The following TLN2 variants were observed in gnomAD, a reference collection of about 807,000 sequenced individuals.
The protein encoded by TLN2 is talin-2.
Under a neutral mutation model 294.7 loss-of-function variants are expected in TLN2, and 118 were observed. The observed-to-expected ratio is 0.40, with a 90% CI of 0.34 to 0.47. The LOEUF (loss-of-function observed/expected upper bound fraction) is 0.47, where lower values mean the gene tolerates loss of function less well. TLN2 is among the 20% of genes least tolerant of loss of function. TLN2 has a pLI of 0.84. For missense variants in TLN2, 3,083 were observed against 3,282.2 expected, an observed-to-expected ratio of 0.94 and a Z score of 1.48; for synonymous variants, 1,431 against 1,304.5, an observed-to-expected ratio of 1.10 and a Z score of -2.09.
intron 12 of TLN2, 114 bp downstream of exon 12, chr15:62,686,910 C>T (rs960483146): frequency 7.2e-7 from 1 of 1,389,142 alleles, no homozygotes; most frequent in East Asian, 2.4e-5. Flanking sequence ...GGAGAGCCAG[C>T]GTGGAGTGAG....
chr15:62,623,978 C>T (rs537042252), intron 3 of TLN2, among the ~76,000 whole-genome samples: 1 of 152,268 alleles, frequency 6.6e-6, no homozygotes, highest in South Asian at 2.1e-4. Context: ...TGCTGTCAAT[C>T]ACATGATGGC....
chr15:62,462,716 G>T (rs1339081046), intron 1 of TLN2, among the ~76,000 whole-genome samples: 1 of 152,182 alleles, frequency 6.6e-6, no homozygotes, highest in Non-Finnish European at 1.5e-5. Context: ...TGCCAGCTGG[G>T]CTCTGGGCTT....
intron 1 of TLN2, among the ~76,000 whole-genome samples, chr15:62,391,812 CG>C (rs1486618433): frequency 3.3e-5 from 5 of 152,262 alleles, no homozygotes; most frequent in Non-Finnish European, 5.9e-5. Flanking sequence ...CGCCTGGACC[CG>C]GCCTTGGGGC....
intron 1 of TLN2, among the ~76,000 whole-genome samples, chr15:62,397,110 G>A (rs1272955744): frequency 1.3e-5 from 2 of 152,124 alleles, no homozygotes; most frequent in South Asian, 2.1e-4. Flanking sequence ...CTTTCCATAC[G>A]ATCTCTGGCT....
At chr15:62,496,436 C>A (rs1443128322) in intron 1 of TLN2, among the ~76,000 whole-genome samples, 1 of 152,206 alleles carries the variant, frequency 6.6e-6, no homozygotes, top group Admixed American at 6.5e-5. Flanking sequence ...AAGAGCTCCA[C>A]CCGTGACTAG....
chr15:62,829,600 A>G (rs1348508708), intron 54 of TLN2: 1 of 152,230 alleles, frequency 6.6e-6, no homozygotes, highest in Non-Finnish European at 1.5e-5. Flanking sequence ...TAAGCACATC[A>G]TGGAGAATGG....
rs2140907042 is a variant in TLN2 at position 62,717,619 on chromosome 15, C to T, written c.2807C>T (p.Ala936Val). The change falls in exon 24 of 59, where the codon GCC (alanine) becomes GTC (valine). Residue 936 changes from alanine (A) to valine (V), a missense_variant. Transcript: ENST00000636159. The part of the protein sequence containing the change: ...QAAAAATQTI[A>V]ASQNAAVSNK... ...GCAGCGGCAGCCACACAGACCATCG[C>T]CGCCTCCCAGAATGCAGCTGTTTCC... 1 of 1,603,976 alleles carries T rather than the reference C, an allele frequency of 6.2e-7. No homozygotes were observed. The highest frequency in any genetic ancestry group is 1.7e-4 in the Middle Eastern group (1 of 6,040).
intron 1 of TLN2, among the ~76,000 whole-genome samples, chr15:62,477,477 T>C (rs1358266065): frequency 6.6e-6 from 1 of 152,216 alleles, no homozygotes; most frequent in African/African-American, 2.4e-5. Flanking sequence ...GTGAGCCTGA[T>C]TGAACAGTAG....
At chr15:62,757,104 C>T (rs891829391) in intron 37 of TLN2, among the ~76,000 whole-genome samples, 12 of 152,220 alleles carry the variant, frequency 7.9e-5, no homozygotes, top group African/African-American at 2.7e-4. Context: ...TACTCATTCA[C>T]TCCATACAAC....
intron 2 of TLN2, among the ~76,000 whole-genome samples, chr15:62,610,782 A>T (rs1019175295): frequency 6.6e-6 from 1 of 152,208 alleles, no homozygotes; most frequent in Non-Finnish European, 1.5e-5. Flanking sequence ...TTTTGGGGTC[A>T]CAAGTAAATT....
At position 62,686,625 on chromosome 15, in the gene TLN2, G is replaced by A; in HGVS notation, c.958-16G>A. ...TTCAGAAGAAGAGCACTGACTCTTG[G>A]TATCTCCTGTTTCAGGAGAAGATGA... On this transcript the variant is annotated splice_polypyrimidine_tract_variant and intron_variant, in intron 11 of 58. Coordinates refer to ENST00000636159, the MANE Select transcript of TLN2 (RefSeq NM_015059.3). The A allele has an allele frequency of 2.5e-6, 4 of 1,605,738 alleles. No homozygotes were observed. The East Asian group carries it at 8.9e-5, about 36-fold the overall frequency.
At chr15:62,428,071 A>C (rs1036383564) in intron 1 of TLN2, among the ~76,000 whole-genome samples, 9 of 151,968 alleles carry the variant, frequency 5.9e-5, no homozygotes, top group Non-Finnish European at 1.2e-4. Context: ...TCATTGTGCC[A>C]CCACCCCCCC....
At chr15:62,475,063 A>T (rs925154725) in intron 1 of TLN2, among the ~76,000 whole-genome samples, 2 of 152,204 alleles carry the variant, frequency 1.3e-5, no homozygotes, top group Admixed American at 6.5e-5. Flanking sequence ...ATACCCATTT[A>T]GTGAGGGTGG....
intron 1 of TLN2, among the ~76,000 whole-genome samples, chr15:62,508,098 A>G (rs1023045232): frequency 6.6e-6 from 1 of 152,092 alleles, no homozygotes; most frequent in Non-Finnish European, 1.5e-5. Flanking sequence ...CTTAATTGAT[A>G]TATTTGGTAG....
At chr15:62,661,791 C>A (rs926568206) in intron 9 of TLN2, among the ~76,000 whole-genome samples, 7 of 151,990 alleles carry the variant, frequency 4.6e-5, no homozygotes, top group South Asian at 2.1e-4. Flanking sequence ...CTACTTAAAT[C>A]AAAAATGTAG....
At chr15:62,740,499 G>A (rs539048205) in intron 31 of TLN2, 131 bp from the exon 32 acceptor site, 19 of 1,178,044 alleles carry the variant, frequency 1.6e-5, no homozygotes, top group African/African-American at 1.2e-4. Context: ...AGGCATCTGC[G>A]GGCTAACTGG....
At chr15:62,449,443 A>G (rs2035983809) in intron 1 of TLN2, among the ~76,000 whole-genome samples, 1 of 152,096 alleles carries the variant, frequency 6.6e-6, no homozygotes, top group Non-Finnish European at 1.5e-5. Flanking sequence ...AGAGGGCAGG[A>G]AAGTTTACAC....
intron 34 of TLN2, among the ~76,000 whole-genome samples, chr15:62,750,770 A>C (rs910153908): frequency 1.3e-5 from 2 of 152,190 alleles, no homozygotes; most frequent in Non-Finnish European, 2.9e-5. Context: ...ACTATCTCCC[A>C]GGTCCTGCCC....
At chr15:62,803,992 G>A (rs114882181) in intron 50 of TLN2, among the ~76,000 whole-genome samples, 8 of 152,218 alleles carry the variant, frequency 5.3e-5, no homozygotes, top group East Asian at 1.9e-4. Context: ...TATCTGCATC[G>A]GGGGGCACAC....
Sources: allele counts gnomAD v4.1 joint callset (sites outside exome capture counted in the v4.1 genomes callset), GRCh38; gene constraint gnomAD v4.1.1; transcripts MANE v1.5; gene names NCBI Gene and HGNC (gene_info 2026-07-23, HGNC 2026-07-21).